The following DPF3 variants were observed in gnomAD, a reference collection of about 807,000 sequenced individuals.
DPF3 encodes zinc finger protein DPF3.
Under a neutral mutation model 56.8 loss-of-function variants are expected in DPF3, and 18 were observed. That is an observed-to-expected ratio of 0.32 (90% CI 0.22 to 0.47). The LOEUF is 0.47. Among genes scored for constraint, DPF3 ranks in the 20% least tolerant of loss-of-function variants. The probability of loss-of-function intolerance (pLI) is 1.00; values close to 1 mark genes in which losing one functional copy is unlikely to be tolerated. For missense variants in DPF3, 403 were observed against 488.8 expected, an observed-to-expected ratio of 0.82 and a Z score of 1.65; for synonymous variants, 188 against 180.2, an observed-to-expected ratio of 1.04 and a Z score of -0.35.
chr14:72,817,254 A>G (rs1405946245), intron 1 of DPF3, among the ~76,000 whole-genome samples: 1 of 152,158 alleles, frequency 6.6e-6, no homozygotes, highest in African/African-American at 2.4e-5. Context: ...TGTCCCCACT[A>G]TATCTGGAAC....
chr14:72,743,885 T>C (rs956587162), intron 3 of DPF3, among the ~76,000 whole-genome samples: 15 of 152,372 alleles, frequency 9.8e-5, no homozygotes, highest in African/African-American at 3.4e-4. Context: ...CATTCGCCTC[T>C]GTGGCCAAGT....
chr14:72,818,271 A>T (rs1449430201), intron 1 of DPF3, among the ~76,000 whole-genome samples: 1 of 152,076 alleles, frequency 6.6e-6, no homozygotes, highest in Non-Finnish European at 1.5e-5. Flanking sequence ...AGAAGAAAAC[A>T]TGGGGAAAAT....
At chr14:72,621,342 C>G (rs538396306) in intron 9 of DPF3, among the ~76,000 whole-genome samples, 1 of 152,036 alleles carries the variant, frequency 6.6e-6, no homozygotes, top group African/African-American at 2.4e-5. Flanking sequence ...TCTGGCCCCA[C>G]CCCCTAGTTT....
At chr14:72,664,622 C>T (rs886924578) in intron 8 of DPF3, among the ~76,000 whole-genome samples, 2 of 151,930 alleles carry the variant, frequency 1.3e-5, no homozygotes, top group Non-Finnish European at 2.9e-5. Context: ...CACCACCTCA[C>T]CACCTCCCAC....
At chr14:72,788,812 G>A (rs1892315854) in intron 1 of DPF3, among the ~76,000 whole-genome samples, 4 of 152,212 alleles carry the variant, frequency 2.6e-5, no homozygotes, top group Admixed American at 2.6e-4. Context: ...CAGTAGATAT[G>A]AGAGTTAACG....
intron 1 of DPF3, among the ~76,000 whole-genome samples, chr14:72,772,141 G>C (rs751319776): frequency 6.6e-6 from 1 of 152,188 alleles, no homozygotes; most frequent in Admixed American, 6.5e-5. Context: ...AAAGAGCATG[G>C]GCTTCCAAGG....
intron 2 of DPF3, among the ~76,000 whole-genome samples, chr14:72,764,652 A>AT (rs560210654): frequency 2.2e-4 from 33 of 150,682 alleles, no homozygotes; most frequent in Admixed American, 4.6e-4. Flanking sequence ...CGCCCAGCTT[A>AT]TTTTTTTTGT....
At chr14:72,774,263 A>AT (rs1891666856) in intron 1 of DPF3, among the ~76,000 whole-genome samples, 1 of 50,274 alleles carries the variant, frequency 2.0e-5, no homozygotes, top group Non-Finnish European at 3.8e-5. Flanking sequence ...GACTCTGTCT[A>AT]AAAAAAAAAA....
intron 4 of DPF3, among the ~76,000 whole-genome samples, chr14:72,727,530 T>C (rs1279401518): frequency 2.0e-5 from 3 of 151,186 alleles, no homozygotes; most frequent in South Asian, 4.2e-4. Flanking sequence ...CAGCTGAGAT[T>C]GTACCATTGC....
intron 8 of DPF3, among the ~76,000 whole-genome samples, chr14:72,633,765 T>C (rs978635254): frequency 2.0e-5 from 3 of 152,152 alleles, no homozygotes; most frequent in Admixed American, 6.5e-5. Flanking sequence ...CAAATGTGCA[T>C]CTGAGCTGTC....
At chr14:72,629,800 TCA>T in intron 8 of DPF3, 64 bp from the exon 9 acceptor site, 1 of 1,294,068 alleles carries the variant, frequency 7.7e-7, no homozygotes, top group Non-Finnish European at 1.1e-6. Flanking sequence ...TCAACACCAC[TCA>T]CTGGAAACAC....
chr14:72,779,442 G>C (rs1181115690), intron 1 of DPF3, among the ~76,000 whole-genome samples: 1 of 152,166 alleles, frequency 6.6e-6, no homozygotes, highest in African/African-American at 2.4e-5. Context: ...CCTCAGTGTA[G>C]AACCCAAGAT....
intron 7 of DPF3, among the ~76,000 whole-genome samples, chr14:72,674,960 C>G (rs548568973): frequency 6.6e-6 from 1 of 152,358 alleles, no homozygotes; most frequent in South Asian, 2.1e-4. Flanking sequence ...AGTCTCATCT[C>G]CCTGAAGTCC....
At chr14:72,839,752 G>C (rs1884470103) in intron 1 of DPF3, among the ~76,000 whole-genome samples, 1 of 152,200 alleles carries the variant, frequency 6.6e-6, no homozygotes. Flanking sequence ...GGGCCGGTGA[G>C]GACACACAGG....
chr14:72,750,791 CAAA>C (rs35754238), intron 3 of DPF3, among the ~76,000 whole-genome samples: 3,816 of 65,862 alleles, frequency 0.058, 95 homozygotes, highest in South Asian at 0.23. Context: ...GAAAGAATCT[CAAA>C]AAAAAAAAAA....
intron 1 of DPF3, among the ~76,000 whole-genome samples, chr14:72,873,812 CT>C (rs1322844960): frequency 6.6e-6 from 1 of 151,772 alleles, no homozygotes; most frequent in Non-Finnish European, 1.5e-5. Flanking sequence ...TCTCAGCAAA[CT>C]ATCACAAGGA....
intron 6 of DPF3, among the ~76,000 whole-genome samples, chr14:72,702,370 G>A (rs1312093594): frequency 6.6e-6 from 1 of 152,088 alleles, no homozygotes; most frequent in Non-Finnish European, 1.5e-5. Context: ...CTCCAGTCCT[G>A]CCTGGCTCTG....
intron 1 of DPF3, chr14:72,879,933 G>A: frequency 6.6e-7 from 1 of 1,507,980 alleles, no homozygotes; most frequent in Non-Finnish European, 8.8e-7. Flanking sequence ...ACTTTCATAG[G>A]ATTCTTGAAA....
At chr14:72,657,270 A>G (rs1886084964) in intron 8 of DPF3, among the ~76,000 whole-genome samples, 1 of 152,204 alleles carries the variant, frequency 6.6e-6, no homozygotes, top group African/African-American at 2.4e-5. Flanking sequence ...CATTTGTCTC[A>G]TACAGATGAA....
Sources: gnomAD v4.1 joint callset for allele counts (sites outside exome capture counted in the v4.1 genomes callset) on GRCh38, gnomAD v4.1.1 for gene constraint, MANE v1.5 for transcripts, NCBI Gene and HGNC (gene_info 2026-07-23, HGNC 2026-07-21) for gene names.